Variants in MN1 observed in about 807,000 individuals in gnomAD.
MN1 encodes the protein transcriptional activator MN1.
Under a neutral mutation model 86.9 loss-of-function variants are expected in MN1, and 19 were observed. The ratio of observed to expected loss-of-function variants is 0.22; its 90% CI spans 0.15 to 0.32. MN1 has a LOEUF of 0.32. MN1 is among the 10% of genes least tolerant of loss of function. The pLI is 1.00. For missense variants in MN1, 1,841 were observed against 1,862.0 expected (o/e 0.99, Z 0.21); for synonymous variants, 928 against 849.6 (o/e 1.09, Z -1.60).
At chr22:27,768,006 A>G (rs4820777) in intron 1 of MN1, among the ~76,000 whole-genome samples, 35,647 of 151,984 alleles carry the variant, frequency 0.23, 6,744 homozygotes, top group African/African-American at 0.51. Context: ...ACCACACAGC[A>G]AGGGAGCAGC....
In MN1 at chr22:27,798,915, CTGTTGCTGT is replaced by C. The variant is rs1933368927; in HGVS notation, c.1620_1628del (p.Gln548_Gln550del). The C allele has an allele frequency of 1.9e-6, 3 of 1,557,436 alleles. No homozygotes were observed. Among genetic ancestry groups the C allele is most frequent in the African/African-American group, 1.4e-5 (1 of 72,970 alleles). On this transcript the variant is annotated inframe_deletion, in exon 1 of 2. Coordinates refer to ENST00000302326, the MANE Select transcript of MN1 (RefSeq NM_002430.3). ...GGCGCTGCTGCTGCTGCTGCTGTTG[CTGTTGCTGT>C]TGCTGCTGCTGCTGCTGCTGTTGCT... is the stretch of plus-strand genomic sequence containing the variant.
In MN1 at chr22:27,797,496, C is replaced by G; in HGVS notation, c.3048G>C (p.Leu1016Phe). 1.2e-6 allele frequency: 2 copies of G among 1,601,110 alleles called. No homozygotes were observed. The highest frequency in any genetic ancestry group is 1.7e-6 in the Non-Finnish European group (2 of 1,173,888). The part of the protein sequence containing the change: ...TSPSWGKGAE[L>F]LLGDQPDLIG... ...TGAGGTCCGGCTGATCCCCCAGGAG[C>G]AACTCAGCCCCCTTCCCCCAGGATG... The change falls in exon 1 of 2, where the codon TTG (leucine) becomes TTC (phenylalanine). Residue 1016 changes from leucine (L) to phenylalanine (F), a missense_variant. Coordinates refer to ENST00000302326, the MANE Select transcript of MN1 (RefSeq NM_002430.3).
chr22:27,786,078 G>A (rs1933128931), intron 1 of MN1, among the ~76,000 whole-genome samples: 1 of 152,244 alleles, frequency 6.6e-6, no homozygotes. Flanking sequence ...GATGAGCGAG[G>A]AATTAAGCAA....
At chr22:27,777,924 C>A (rs936198233) in intron 1 of MN1, among the ~76,000 whole-genome samples, 5 of 151,902 alleles carry the variant, frequency 3.3e-5, no homozygotes, top group African/African-American at 1.2e-4. Context: ...CAGGGTACAT[C>A]ATTTTTATCC....
At position 27,760,728 on chromosome 22, in the gene MN1, A is replaced by C. The variant is rs1016009369; in HGVS notation, c.3782-9632T>G. 2.0e-5 allele frequency among the ~76,000 whole-genome samples: 3 copies of C among 152,030 alleles called. No homozygotes were observed. The East Asian group carries it at 5.8e-4, about 29-fold the overall frequency. On this transcript the variant is annotated intron_variant, in intron 1 of 1. Transcript: ENST00000302326. The stretch of plus-strand genomic sequence containing the variant: ...CCGAGGCAGGCCCAGGGGACTAGCC[A>C]CTCCTTGGCCCAGCCCTATGCCTGT...
In MN1 at chr22:27,799,864, G is replaced by T. The variant is rs748016757; in HGVS notation, c.680C>A (p.Ala227Asp). The T allele has an allele frequency of 1.9e-6, 3 of 1,602,538 alleles. No individual in the cohort carries two copies. Among genetic ancestry groups the T allele is most frequent in the Non-Finnish European group, 2.6e-6 (3 of 1,175,496 alleles). The change falls in exon 1 of 2, where the codon GCC becomes GAC. Residue 227 changes from alanine to aspartate, a missense_variant. Ala to Asp is a moderately radical substitution (Grantham distance 126). Transcript: ENST00000302326. ...LEPRRVTNQG[A>D]VDSLEYNYPG... Reference sequence around the variant, plus strand: ...GTAATTGTATTCCAGCGAGTCGACGGCTCCTTGGTTCGTCACCCTCCGTGG... The same window carrying T: ...GTAATTGTATTCCAGCGAGTCGACGTCTCCTTGGTTCGTCACCCTCCGTGG...
intron 1 of MN1, among the ~76,000 whole-genome samples, chr22:27,751,818 G>C (rs1932767137): frequency 6.6e-6 from 1 of 152,100 alleles, no homozygotes; most frequent in Admixed American, 6.5e-5. Context: ...ACAAAGACTA[G>C]ACGCCCACAG....
intron 1 of MN1, among the ~76,000 whole-genome samples, chr22:27,795,871 C>G (rs1933285651): frequency 6.6e-6 from 1 of 152,174 alleles, no homozygotes; most frequent in African/African-American, 2.4e-5. Flanking sequence ...TAACCCCACC[C>G]CTCCCACCTT....
chr22:27,768,966 T>G (rs1452590534), intron 1 of MN1, among the ~76,000 whole-genome samples: 1 of 152,150 alleles, frequency 6.6e-6, no homozygotes, highest in Non-Finnish European at 1.5e-5. Context: ...AATACTGATC[T>G]AGAAAAATAA....
intron 1 of MN1, among the ~76,000 whole-genome samples, chr22:27,780,523 G>A (rs150124139): frequency 8.0e-4 from 122 of 152,256 alleles, no homozygotes; most frequent in Non-Finnish European, 1.5e-3. Flanking sequence ...TTTACACCAC[G>A]GGAATCAGCA....
chr22:27,781,254 C>A (rs1352427407), intron 1 of MN1, among the ~76,000 whole-genome samples: 1 of 152,154 alleles, frequency 6.6e-6, no homozygotes, highest in East Asian at 1.9e-4. Flanking sequence ...TGAACCTAAC[C>A]TCAATCACTC....
At chr22:27,778,542 G>A (rs904425240) in intron 1 of MN1, among the ~76,000 whole-genome samples, 6 of 152,202 alleles carry the variant, frequency 3.9e-5, no homozygotes, top group African/African-American at 7.2e-5. Context: ...GCTTAGTGAC[G>A]TCTGCAATGT....
At chr22:27,765,139 C>A (rs984039193) in intron 1 of MN1, among the ~76,000 whole-genome samples, 7 of 152,302 alleles carry the variant, frequency 4.6e-5, no homozygotes, top group African/African-American at 1.4e-4. Flanking sequence ...GGGCCCTTTG[C>A]AGAGAAAGTG....
chr22:27,758,366 G>A (rs1932814368), intron 1 of MN1, among the ~76,000 whole-genome samples: 1 of 152,142 alleles, frequency 6.6e-6, no homozygotes, highest in Non-Finnish European at 1.5e-5. Flanking sequence ...CAGCCCCATG[G>A]CGATGTTTCT....
At chr22:27,793,954 A>G (rs992829409) in intron 1 of MN1, among the ~76,000 whole-genome samples, 1 of 152,194 alleles carries the variant, frequency 6.6e-6, no homozygotes, top group Non-Finnish European at 1.5e-5. Context: ...GACAAAATAA[A>G]ATATCATTAC....
At chr22:27,760,149 T>TGACCA (rs1406221181) in intron 1 of MN1, among the ~76,000 whole-genome samples, 1 of 152,078 alleles carries the variant, frequency 6.6e-6, no homozygotes, top group Non-Finnish European at 1.5e-5. Flanking sequence ...CAGGAGTTCA[T>TGACCA]GACCAGCCTG....
chr22:27,779,389 G>C (rs1421446502), intron 1 of MN1, among the ~76,000 whole-genome samples: 1 of 152,174 alleles, frequency 6.6e-6, no homozygotes, highest in African/African-American at 2.4e-5. Flanking sequence ...CTAGGGGTTC[G>C]AACCACTGTC....
chr22:27,774,755 G>A (rs1932954931), intron 1 of MN1, among the ~76,000 whole-genome samples: 1 of 152,140 alleles, frequency 6.6e-6, no homozygotes, highest in East Asian at 1.9e-4. Context: ...TTTCACAGAT[G>A]AGGAAACTGA....
chr22:27,787,014 G>T (rs147247355), intron 1 of MN1, among the ~76,000 whole-genome samples: 2 of 152,292 alleles, frequency 1.3e-5, no homozygotes, highest in East Asian at 3.8e-4. Context: ...AAAATTGACC[G>T]CATGGAGATC....
Sources: gnomAD v4.1 joint callset for allele counts (sites outside exome capture counted in the v4.1 genomes callset) on GRCh38, gnomAD v4.1.1 for gene constraint, MANE v1.5 for transcripts, NCBI Gene and HGNC (gene_info 2026-07-23, HGNC 2026-07-21) for gene names.